Variants in LHFPL3 observed in about 807,000 individuals in gnomAD.
LHFPL3 encodes LHFPL tetraspan subfamily member 3 protein.
A neutral mutation model predicts 19.3 loss-of-function variants in LHFPL3; 5 were observed. The ratio of observed to expected loss-of-function variants is 0.26; its 90% CI spans 0.14 to 0.54. The LOEUF is 0.54. LHFPL3 is among the 20% of genes least tolerant of loss of function. The pLI, the probability that LHFPL3 is intolerant of heterozygous loss-of-function variation, is 0.94. For synonymous variants in LHFPL3, 133 were observed against 126.2 expected (o/e 1.05, Z -0.36); for missense variants, 249 against 307.4 (o/e 0.81, Z 1.42).
intron 1 of LHFPL3, among the ~76,000 whole-genome samples, chr7:104,601,023 G>T (rs925686805): frequency 1.3e-5 from 2 of 152,150 alleles, no homozygotes; most frequent in African/African-American, 4.8e-5. Context: ...CCATTTACTG[G>T]CAATGGAGCC....
At chr7:104,784,989 T>C (rs771261545) in intron 2 of LHFPL3, among the ~76,000 whole-genome samples, 2 of 152,194 alleles carry the variant, frequency 1.3e-5, no homozygotes, top group African/African-American at 2.4e-5. Flanking sequence ...TGGAAATCCA[T>C]TGCACAGCAA....
chr7:104,613,716 CT>C (rs1219043653), intron 1 of LHFPL3, among the ~76,000 whole-genome samples: 1 of 152,148 alleles, frequency 6.6e-6, no homozygotes, highest in Non-Finnish European at 1.5e-5. Context: ...TTCCATGGCC[CT>C]GCTCAAACTA....
At chr7:104,645,063 T>C (rs1791907285) in intron 1 of LHFPL3, among the ~76,000 whole-genome samples, 1 of 152,210 alleles carries the variant, frequency 6.6e-6, no homozygotes, top group Non-Finnish European at 1.5e-5. Context: ...ATTCAGGTTT[T>C]TCCATTGAAT....
intron 1 of LHFPL3, among the ~76,000 whole-genome samples, chr7:104,473,541 A>G (rs73712192): frequency 0.011 from 1,633 of 152,326 alleles, 31 homozygotes; most frequent in African/African-American, 0.037. Flanking sequence ...GTGCCTATCT[A>G]TCCATTCATC....
intron 2 of LHFPL3, among the ~76,000 whole-genome samples, chr7:104,838,041 T>C (rs1010047228): frequency 2.6e-5 from 4 of 152,198 alleles, no homozygotes; most frequent in Admixed American, 6.5e-5. Context: ...GAATTGCTCA[T>C]GAAACCAGCT....
At chr7:104,848,784 G>C (rs1473587891) in intron 2 of LHFPL3, among the ~76,000 whole-genome samples, 4 of 152,202 alleles carry the variant, frequency 2.6e-5, no homozygotes, top group Non-Finnish European at 5.9e-5. Context: ...TCTATGGCCT[G>C]AGATCCTAAA....
intron 1 of LHFPL3, among the ~76,000 whole-genome samples, chr7:104,445,546 A>G (rs929224525): frequency 6.6e-6 from 1 of 152,238 alleles, no homozygotes; most frequent in African/African-American, 2.4e-5. Context: ...ATGTTCTCAC[A>G]GACTTGAGAA....
chr7:104,476,433 A>G (rs947949489), intron 1 of LHFPL3, among the ~76,000 whole-genome samples: 2 of 151,202 alleles, frequency 1.3e-5, no homozygotes, highest in Non-Finnish European at 2.9e-5. Flanking sequence ...CAAGAAATCA[A>G]TGCTCTTTAG....
At chr7:104,687,297 C>G (rs1353317967) in intron 1 of LHFPL3, among the ~76,000 whole-genome samples, 2 of 152,226 alleles carry the variant, frequency 1.3e-5, no homozygotes, top group Non-Finnish European at 1.5e-5. Flanking sequence ...TCCATGTCCT[C>G]TCTGGGAGGA....
chr7:104,536,089 G>A (rs1204138471), intron 1 of LHFPL3, among the ~76,000 whole-genome samples: 1 of 152,160 alleles, frequency 6.6e-6, no homozygotes, highest in African/African-American at 2.4e-5. Flanking sequence ...CTGCACAGAG[G>A]GCAGAGTACA....
chr7:104,704,305 A>G (rs1484694590), intron 1 of LHFPL3, among the ~76,000 whole-genome samples: 1 of 152,202 alleles, frequency 6.6e-6, no homozygotes, highest in Non-Finnish European at 1.5e-5. Context: ...GAGTTTTTCT[A>G]GACTGCTTCA....
intron 1 of LHFPL3, among the ~76,000 whole-genome samples, chr7:104,388,046 G>C (rs1345829431): frequency 1.3e-5 from 2 of 152,094 alleles, no homozygotes; most frequent in Non-Finnish European, 2.9e-5. Context: ...TGTGGTATTT[G>C]GTGTTCTTGT....
At chr7:104,664,526 A>T (rs1410996624) in intron 1 of LHFPL3, among the ~76,000 whole-genome samples, 2 of 152,158 alleles carry the variant, frequency 1.3e-5, no homozygotes, top group East Asian at 3.9e-4. Flanking sequence ...CCCCTATGGC[A>T]GGGGTCAGCA....
chr7:104,378,745 G>A (rs1218079484), intron 1 of LHFPL3, among the ~76,000 whole-genome samples: 1 of 152,128 alleles, frequency 6.6e-6, no homozygotes, highest in African/African-American at 2.4e-5. Context: ...CTTATGACTA[G>A]TGATGATGTT....
intron 1 of LHFPL3, among the ~76,000 whole-genome samples, chr7:104,490,974 A>G (rs1028693971): frequency 1.3e-5 from 2 of 152,134 alleles, no homozygotes; most frequent in Non-Finnish European, 2.9e-5. Context: ...TGAGCCCTCC[A>G]GGACCCTAGG....
At chr7:104,668,927 T>G in intron 1 of LHFPL3, 1 of 1,612,168 alleles carries the variant, frequency 6.2e-7, no homozygotes, top group Non-Finnish European at 8.5e-7. Context: ...GGGCCAAAAC[T>G]AGAACGACGG....
intron 2 of LHFPL3, among the ~76,000 whole-genome samples, chr7:104,782,522 C>T (rs1010683600): frequency 1.3e-5 from 2 of 152,314 alleles, no homozygotes; most frequent in East Asian, 1.9e-4. Context: ...AAGACACTTT[C>T]GTCATGGTCA....
chr7:104,785,766 C>A (rs1302149712), intron 2 of LHFPL3: 1 of 152,222 alleles, frequency 6.6e-6, no homozygotes, highest in African/African-American at 2.4e-5. Flanking sequence ...ATTCTCCACA[C>A]TAGTGTCAGA....
chr7:104,644,672 C>T (rs1791898866), intron 1 of LHFPL3, among the ~76,000 whole-genome samples: 1 of 152,156 alleles, frequency 6.6e-6, no homozygotes, highest in Non-Finnish European at 1.5e-5. Flanking sequence ...TTATACTTAG[C>T]TGTGGAGCTG....
Sources: gnomAD v4.1 joint callset for allele counts (sites outside exome capture counted in the v4.1 genomes callset) on GRCh38, gnomAD v4.1.1 for gene constraint, MANE v1.5 for transcripts, NCBI Gene and HGNC (gene_info 2026-07-23, HGNC 2026-07-21) for gene names.